The following LRP5 variants were observed in gnomAD, a reference collection of about 807,000 sequenced individuals.
LRP5 encodes the protein low-density lipoprotein receptor-related protein 5.
In LRP5, 62 loss-of-function variants were observed where a neutral mutation model predicts 154.1. That is an observed-to-expected ratio of 0.40 (90% CI 0.33 to 0.50). LRP5 has a LOEUF of 0.50. Ranked by LOEUF, LRP5 falls within the 20% of genes least tolerant of loss-of-function variation. The probability of loss-of-function intolerance (pLI) is 0.55; values close to 1 mark genes in which losing one functional copy is unlikely to be tolerated. For synonymous variants in LRP5, 966 were observed against 1,011.5 expected, an observed-to-expected ratio of 0.96 and a Z score of 0.85; for missense variants, 1,915 against 2,336.7, an observed-to-expected ratio of 0.82 and a Z score of 3.72.
At chr11:68,332,373 G>A (rs2098603336) in intron 1 of LRP5, among the ~76,000 whole-genome samples, 1 of 152,226 alleles carries the variant, frequency 6.6e-6, no homozygotes, top group Non-Finnish European at 1.5e-5. Flanking sequence ...GGAGGTGCTC[G>A]GCCCCAGCAC....
At chr11:68,375,511 G>A (rs536577203) in intron 5 of LRP5, among the ~76,000 whole-genome samples, 26 of 151,710 alleles carry the variant, frequency 1.7e-4, no homozygotes, top group African/African-American at 5.3e-4. Context: ...CGGCCACAGC[G>A]CCCCTCCATC....
At chr11:68,366,606 G>T (rs990053903) in intron 5 of LRP5, among the ~76,000 whole-genome samples, 1 of 152,116 alleles carries the variant, frequency 6.6e-6, no homozygotes, top group African/African-American at 2.4e-5. Flanking sequence ...GGGGTCCTGC[G>T]TTTGGTGAGG....
At position 68,423,793 on chromosome 11, in the gene LRP5, T is replaced by C. The variant is rs546677584; in HGVS notation, c.3236+96T>C. ...AGCCTCTCACAGGCTGGGGAGACTT[T>C]CCACCCTGGGGATCCAATGGGTGGC... On this transcript the variant is annotated intron_variant, in intron 14 of 22. Transcript: ENST00000294304. This position sits in a 1 kb window ranked among gnomAD's most constrained non-coding sequence, Gnocchi z 4.7. 5 of 1,249,670 alleles carry C rather than the reference T, an allele frequency of 4.0e-6. No individual in the cohort carries two copies. In the African/African-American group the frequency reaches 4.4e-5, roughly 11 times the overall value. 77.4% of individuals were successfully genotyped at this position (1,249,670 alleles called of 1,614,324 possible).
chr11:68,431,584 C>T (rs1273612889), intron 17 of LRP5, among the ~76,000 whole-genome samples: 1 of 152,182 alleles, frequency 6.6e-6, no homozygotes, highest in East Asian at 1.9e-4. Context: ...GAGAGACTGG[C>T]TCCTGCCCAG....
intron 1 of LRP5, among the ~76,000 whole-genome samples, chr11:68,344,593 G>C (rs905342448): frequency 5.9e-5 from 9 of 151,592 alleles, no homozygotes; most frequent in African/African-American, 2.2e-4. Context: ...GTGCTGAGAT[G>C]ACAGGTGTGA....
chr11:68,323,484 C>T (rs952618521), intron 1 of LRP5, among the ~76,000 whole-genome samples: 11 of 150,174 alleles, frequency 7.3e-5, no homozygotes, highest in African/African-American at 2.7e-4. Flanking sequence ...CCATCACAGC[C>T]TACTGCAGCC....
At chr11:68,387,412 G>A (rs1332130806) in intron 6 of LRP5, among the ~76,000 whole-genome samples, 1 of 151,464 alleles carries the variant, frequency 6.6e-6, no homozygotes, top group Admixed American at 6.6e-5. Flanking sequence ...ACCACGCCCG[G>A]TCAGGCCAGG....
intron 7 of LRP5, among the ~76,000 whole-genome samples, chr11:68,397,972 T>TTGTGTGTGTGTGTGTGTGTGTGTG (rs113280059): frequency 6.3e-4 from 90 of 142,192 alleles, no homozygotes; most frequent in South Asian, 2.1e-3. Context: ...CTGTGTGTGT[T>TTGTGTGTGTGTGTGTGTGTGTGTG]TGTGTGTGTG....
chr11:68,317,977 G>T (rs1357743668), intron 1 of LRP5, among the ~76,000 whole-genome samples: 1 of 151,772 alleles, frequency 6.6e-6, no homozygotes, highest in African/African-American at 2.4e-5. Context: ...TTTCTTATTT[G>T]CTCTATTGGA....
chr11:68,399,211 T>C (rs928981962), intron 7 of LRP5, among the ~76,000 whole-genome samples: 1 of 151,802 alleles, frequency 6.6e-6, no homozygotes, highest in Non-Finnish European at 1.5e-5. Flanking sequence ...CTTAAAAATA[T>C]ATATTTAAAA....
intron 5 of LRP5, among the ~76,000 whole-genome samples, chr11:68,368,064 CAAAA>C (rs35969123): frequency 4.2e-5 from 4 of 94,626 alleles, no homozygotes; most frequent in East Asian, 3.5e-4. Flanking sequence ...GACCCTGTCT[CAAAA>C]AAAAAAAAAA....
the LRP5 span, among the ~76,000 whole-genome samples, chr11:68,302,700 C>T: frequency 6.6e-6 from 1 of 152,148 alleles, no homozygotes; most frequent in Non-Finnish European, 1.5e-5. Context: ...GACATGTGTC[C>T]CCTGGAGATG....
intron 5 of LRP5, among the ~76,000 whole-genome samples, chr11:68,376,078 T>TG (rs1404840887): frequency 3.0e-4 from 45 of 151,898 alleles, no homozygotes; most frequent in Non-Finnish European, 2.9e-5. Context: ...TAACGTTTCT[T>TG]GGGGGCCACT....
At chr11:68,348,273 C>T (rs373123016) in intron 2 of LRP5, 30 bp downstream of exon 2, 30 of 1,600,836 alleles carry the variant, frequency 1.9e-5, no homozygotes, top group Non-Finnish European at 2.5e-5. Context: ...CACCTGGGTC[C>T]AGGGGGCGGG....
chr11:68,333,145 G>C (rs1255514824), intron 1 of LRP5, among the ~76,000 whole-genome samples: 1 of 152,192 alleles, frequency 6.6e-6, no homozygotes, highest in African/African-American at 2.4e-5. Flanking sequence ...ACCCCAGTAG[G>C]AGAGACGCGT....
Position 68,339,646 on chromosome 11 carries a change from A to G in LRP5, c.92-8201A>G, listed in dbSNP as rs1267246325. 4.6e-5 allele frequency among the ~76,000 whole-genome samples: 7 copies of G among 152,110 alleles called. No individual in the cohort carries two copies. In the South Asian group the frequency reaches 1.5e-3, roughly 32 times the overall value. On this transcript the variant is annotated intron_variant, in intron 1 of 22. Transcript: ENST00000294304. Reference sequence around the variant, plus strand: ...CAGGCGTGAGCCACCATACCTGGCCATAATATTCGTTTTTATGCATCATTC... The same window carrying G: ...CAGGCGTGAGCCACCATACCTGGCCGTAATATTCGTTTTTATGCATCATTC...
intron 3 of LRP5, among the ~76,000 whole-genome samples, chr11:68,361,939 G>A (rs556140411): frequency 1.3e-5 from 2 of 152,300 alleles, no homozygotes; most frequent in South Asian, 2.1e-4. Context: ...CTTAAGAATC[G>A]AAAACAGGTC....
chr11:68,304,382 C>T, the LRP5 span, among the ~76,000 whole-genome samples: 3 of 152,236 alleles, frequency 2.0e-5, no homozygotes, highest in Non-Finnish European at 2.9e-5. Context: ...TGACACCATC[C>T]ACCTAGATGT....
chr11:68,348,162 A>G lies in LRP5; in HGVS notation c.407A>G (p.Asn136Ser), dbSNP rs759063931. 4 of 1,613,744 alleles carry G rather than the reference A, an allele frequency of 2.5e-6. No homozygotes were observed. In the African/African-American group the frequency reaches 5.3e-5, roughly 22 times the overall value. Reference protein sequence around the residue: ...DSETNRIEVANLNGTSRKVLF... With the variant: ...DSETNRIEVASLNGTSRKVLF... Reference sequence around the variant, plus strand: ...GAGACCAACCGCATCGAGGTGGCCAACCTCAATGGCACATCCCGGAAGGTG... The same window carrying G: ...GAGACCAACCGCATCGAGGTGGCCAGCCTCAATGGCACATCCCGGAAGGTG... Residue 136 changes from asparagine to serine, a missense_variant, in exon 2 of 23, where the codon AAC becomes AGC. Physicochemically the swap from Asn to Ser is conservative, Grantham distance 46 (BLOSUM62 1). Transcript: ENST00000294304.
Sources: allele counts gnomAD v4.1 joint callset (sites outside exome capture counted in the v4.1 genomes callset), GRCh38; gene constraint gnomAD v4.1.1; non-coding constraint Gnocchi (gnomAD v3.1); transcripts MANE v1.5; gene names NCBI Gene and HGNC (gene_info 2026-07-23, HGNC 2026-07-21).